The following TRHDE variants were observed in gnomAD, a reference collection of about 807,000 sequenced individuals.
The protein encoded by TRHDE is thyrotropin releasing hormone degrading enzyme, also known as thyrotropin-releasing hormone-degrading ectoenzyme.
TRHDE carries 72 observed loss-of-function variants against 125.7 expected under a neutral mutation model. The ratio of observed to expected loss-of-function variants is 0.57; its 90% CI spans 0.47 to 0.70. The LOEUF is 0.70. Ranked by LOEUF, TRHDE falls within the 30% of genes least tolerant of loss-of-function variation. The pLI, the probability that TRHDE is intolerant of heterozygous loss-of-function variation, is 0.00. For missense variants in TRHDE, 1,110 were observed against 1,327.1 expected (o/e 0.84, Z 2.54); for synonymous variants, 509 against 509.1 (o/e 1.00, Z 0.00).
intron 1 of TRHDE, among the ~76,000 whole-genome samples, chr12:72,092,604 C>G (rs1012371363): frequency 6.6e-6 from 1 of 152,206 alleles, no homozygotes; most frequent in African/African-American, 2.4e-5. Context: ...AGCATCATTT[C>G]TTTAGCTCCC....
intron 1 of TRHDE, among the ~76,000 whole-genome samples, chr12:72,099,200 A>T (rs1445048301): frequency 6.6e-6 from 1 of 152,060 alleles, no homozygotes; most frequent in Non-Finnish European, 1.5e-5. Context: ...AAACCATTAA[A>T]TTTTTTTGCC....
chr12:72,638,834 CCT>C (rs1027974223), intron 15 of TRHDE, among the ~76,000 whole-genome samples: 1 of 152,060 alleles, frequency 6.6e-6, no homozygotes, highest in Non-Finnish European at 1.5e-5. Flanking sequence ...ATATTGGCCC[CCT>C]CTCTCTTCTG....
rs112424070 is a variant in TRHDE at position 72,507,228 on chromosome 12, G to A, written c.1722+7593G>A. Among the ~76,000 whole-genome samples, 638 of 152,206 alleles carry A rather than the reference G, an allele frequency of 4.2e-3. 2 individuals are homozygous for A. The highest frequency in any genetic ancestry group is 0.014 in the African/African-American group (584 of 41,510). On this transcript the variant is annotated intron_variant, in intron 6 of 18. Coordinates refer to ENST00000261180, the MANE Select transcript of TRHDE (RefSeq NM_013381.3). Reference sequence around the variant, plus strand: ...AATGTGAGAACTAATACAGAAAATTGGCACCAGGAGTGGGGCATTGCTGTA... The same window carrying A: ...AATGTGAGAACTAATACAGAAAATTAGCACCAGGAGTGGGGCATTGCTGTA...
chr12:72,526,148 C>A (rs1304855265), intron 6 of TRHDE, among the ~76,000 whole-genome samples: 1 of 152,058 alleles, frequency 6.6e-6, no homozygotes, highest in Non-Finnish European at 1.5e-5. Flanking sequence ...TTACCTATAA[C>A]CTTTTTCAGC....
chr12:72,182,830 C>G (rs1877121876), intron 2 of TRHDE, among the ~76,000 whole-genome samples: 1 of 152,162 alleles, frequency 6.6e-6, no homozygotes, highest in South Asian at 2.1e-4. Context: ...CTTCCCAATA[C>G]TCTTGAAACA....
chr12:72,625,172 T>A (rs896698787), intron 15 of TRHDE, among the ~76,000 whole-genome samples: 2 of 151,874 alleles, frequency 1.3e-5, no homozygotes, highest in African/African-American at 4.8e-5. Context: ...AATATGGTAT[T>A]ATAGGGTTTT....
chr12:72,483,449 T>C (rs151124519), intron 5 of TRHDE, among the ~76,000 whole-genome samples: 289 of 152,128 alleles, frequency 1.9e-3, no homozygotes, highest in Non-Finnish European at 2.8e-3. Flanking sequence ...GAAACTTATA[T>C]TCTTACTATC....
chr12:72,331,014 A>G (rs534548441), intron 2 of TRHDE, among the ~76,000 whole-genome samples: 1 of 152,324 alleles, frequency 6.6e-6, no homozygotes, highest in East Asian at 1.9e-4. Context: ...CCACATTTTG[A>G]AAACCACTGC....
intron 7 of TRHDE, among the ~76,000 whole-genome samples, chr12:72,553,539 A>T (rs1869774196): frequency 6.6e-6 from 1 of 152,050 alleles, no homozygotes; most frequent in Admixed American, 6.6e-5. Flanking sequence ...TGCCCATTCC[A>T]TGAACTGCCC....
chr12:72,318,675 C>T (rs1400262659), intron 2 of TRHDE, among the ~76,000 whole-genome samples: 2 of 151,952 alleles, frequency 1.3e-5, no homozygotes, highest in African/African-American at 4.8e-5. Context: ...TTTTTATATC[C>T]TGGCTCCATT....
chr12:72,185,366 A>G (rs1011980617), intron 2 of TRHDE, among the ~76,000 whole-genome samples: 1 of 152,134 alleles, frequency 6.6e-6, no homozygotes, highest in African/African-American at 2.4e-5. Context: ...AGCCTCCCCG[A>G]CGAGCACCAC....
At chr12:72,622,004 G>T (rs1873073898) in intron 15 of TRHDE, among the ~76,000 whole-genome samples, 1 of 151,944 alleles carries the variant, frequency 6.6e-6, no homozygotes, top group African/African-American at 2.4e-5. Flanking sequence ...TATTTAAGTT[G>T]TCACCTTATT....
intron 15 of TRHDE, among the ~76,000 whole-genome samples, chr12:72,624,710 G>T (rs531696551): frequency 1.3e-5 from 2 of 152,060 alleles, no homozygotes; most frequent in South Asian, 2.1e-4. Context: ...ATATTCAAAT[G>T]CTACAGTGTG....
chr12:72,440,698 T>C (rs1874965756), intron 3 of TRHDE, among the ~76,000 whole-genome samples: 1 of 151,858 alleles, frequency 6.6e-6, no homozygotes, highest in Non-Finnish European at 1.5e-5. Context: ...CAGGATTCAA[T>C]AGGTAGCCTG....
At chr12:72,435,912 C>CA (rs900791300) in intron 3 of TRHDE, among the ~76,000 whole-genome samples, 3 of 149,988 alleles carry the variant, frequency 2.0e-5, no homozygotes, top group African/African-American at 7.3e-5. Context: ...GTAGGAAAGG[C>CA]AAAAAAAAGT....
intron 17 of TRHDE, 39 bp downstream of exon 17, chr12:72,653,195 G>T (rs961484370): frequency 6.4e-7 from 1 of 1,569,618 alleles, no homozygotes; most frequent in Non-Finnish European, 8.7e-7. Context: ...GTAAATTAAA[G>T]CCGACATAGG....
chr12:72,246,911 A>G (rs549380364), intron 2 of TRHDE, among the ~76,000 whole-genome samples: 4 of 152,376 alleles, frequency 2.6e-5, no homozygotes, highest in African/African-American at 7.2e-5. Context: ...GACACAAATT[A>G]TCTTGGGAAA....
chr12:72,340,450 A>T (rs536773862), intron 2 of TRHDE, among the ~76,000 whole-genome samples: 6 of 152,136 alleles, frequency 3.9e-5, no homozygotes, highest in South Asian at 4.1e-4. Flanking sequence ...TTTAGTTCAG[A>T]TTAGATTTAG....
chr12:72,282,113 A>G (rs1194320582), intron 1 of TRHDE, among the ~76,000 whole-genome samples: 1 of 152,156 alleles, frequency 6.6e-6, no homozygotes, highest in Non-Finnish European at 1.5e-5. Flanking sequence ...TTATGGTAAT[A>G]GACAGATTCA....
Sources: gnomAD v4.1 joint callset for allele counts (sites outside exome capture counted in the v4.1 genomes callset) on GRCh38, gnomAD v4.1.1 for gene constraint, MANE v1.5 for transcripts, NCBI Gene and HGNC (gene_info 2026-07-23, HGNC 2026-07-21) for gene names.